Variants in PHF20 observed in about 807,000 individuals in gnomAD.
The protein encoded by PHF20 is PHD finger protein 20.
In PHF20, 23 loss-of-function variants were observed where a neutral mutation model predicts 113.5. The observed-to-expected ratio is 0.20, with a 90% CI of 0.15 to 0.29. PHF20 has a LOEUF of 0.29. Ranked by LOEUF, PHF20 falls within the 10% of genes least tolerant of loss-of-function variation. The pLI is 1.00. For missense variants in PHF20, 943 were observed against 1,219.6 expected, an observed-to-expected ratio of 0.77 and a Z score of 3.38; for synonymous variants, 434 against 457.3, an observed-to-expected ratio of 0.95 and a Z score of 0.65.
chr20:35,879,783 C>CAAA (rs58553871), intron 9 of PHF20, among the ~76,000 whole-genome samples: 2 of 108,236 alleles, frequency 1.8e-5, no homozygotes, highest in Non-Finnish European at 3.9e-5. Flanking sequence ...CCCATCTCTC[C>CAAA]AAAAAAAAAA....
chr20:35,790,208 C>CTG (rs917229016), intron 1 of PHF20, among the ~76,000 whole-genome samples: 5 of 145,974 alleles, frequency 3.4e-5, no homozygotes, highest in African/African-American at 1.3e-4. Flanking sequence ...TGCTAAATAA[C>CTG]TTTTTTTTTT....
At chr20:35,881,304 C>A (rs2054628371) in intron 9 of PHF20, among the ~76,000 whole-genome samples, 1 of 151,996 alleles carries the variant, frequency 6.6e-6, no homozygotes, top group Non-Finnish European at 1.5e-5. Context: ...GTGATCCACC[C>A]ACCTTGGCCT....
chr20:35,823,632 C>CAAAAAA (rs34177764), intron 2 of PHF20, among the ~76,000 whole-genome samples: 1 of 53,752 alleles, frequency 1.9e-5, no homozygotes, highest in African/African-American at 6.3e-5. Flanking sequence ...GACCCTGTCT[C>CAAAAAA]AAAAAAAAAA....
chr20:35,855,187 G>T, intron 4 of PHF20: 3 of 1,065,018 alleles, frequency 2.8e-6, no homozygotes, highest in Non-Finnish European at 2.5e-6. Flanking sequence ...ATGGTTGCTT[G>T]AGAGGGTTCT....
chr20:35,911,088 T>C (rs111876092), intron 10 of PHF20, among the ~76,000 whole-genome samples: 8,669 of 152,220 alleles, frequency 0.057, 393 homozygotes, highest in African/African-American at 0.13. Context: ...TCGCCCAGGC[T>C]GGAGTGCAGT....
rs1291574909 is a variant in PHF20 at position 35,885,500 on chromosome 20, T to C, written c.1282+13671T>C. On this transcript the variant is annotated intron_variant, in intron 9 of 17. Transcript: ENST00000374012. The stretch of plus-strand genomic sequence containing the variant: ...TTTTTTTTTTTTTTTTTTTTTTTTT[T>C]ACTTTTTAAAAATGAGATCTTCAGT... 1.7e-5 allele frequency among the ~76,000 whole-genome samples: 2 copies of C among 118,498 alleles called. 1 individual carries two copies. The highest frequency in any genetic ancestry group is 1.8e-4 in the Admixed American group (2 of 11,106). 77.7% of individuals were successfully genotyped at this position (118,498 alleles called of 152,430 possible).
chr20:35,780,222 T>A (rs886842328), intron 1 of PHF20, among the ~76,000 whole-genome samples: 1 of 125,552 alleles, frequency 8.0e-6, no homozygotes, highest in Non-Finnish European at 1.7e-5. Flanking sequence ...CCCAGATTTC[T>A]TTTTTTTTTT....
chr20:35,821,834 G>A (rs762215538), intron 2 of PHF20, among the ~76,000 whole-genome samples: 8 of 152,154 alleles, frequency 5.3e-5, no homozygotes, highest in Admixed American at 1.3e-4. Context: ...AATTTTTGAA[G>A]GTACAGCTGA....
chr20:35,832,439 C>T (rs1023665368), intron 2 of PHF20, among the ~76,000 whole-genome samples: 5 of 152,120 alleles, frequency 3.3e-5, no homozygotes, highest in Non-Finnish European at 5.9e-5. Flanking sequence ...CCTGTTGTCT[C>T]CTGGGGAAGC....
intron 2 of PHF20, among the ~76,000 whole-genome samples, chr20:35,819,648 C>A (rs2042134474): frequency 6.8e-6 from 1 of 147,980 alleles, no homozygotes; most frequent in Non-Finnish European, 1.5e-5. Context: ...CTTACACCAT[C>A]TGTGTGTGTG....
chr20:35,811,875 A>G (rs2146883939), intron 2 of PHF20, among the ~76,000 whole-genome samples: 1 of 151,936 alleles, frequency 6.6e-6, no homozygotes. Flanking sequence ...GGTTCCCACC[A>G]TTCTCCTGCC....
chr20:35,926,230 A>ATTTTT (rs1186510585), intron 13 of PHF20, among the ~76,000 whole-genome samples: 13 of 52,994 alleles, frequency 2.5e-4, no homozygotes, highest in Non-Finnish European at 2.8e-4. Context: ...ACAGACTTTC[A>ATTTTT]TTTTTTTTTT....
chr20:35,861,156 T>C (rs980536391), intron 5 of PHF20, among the ~76,000 whole-genome samples: 1 of 152,110 alleles, frequency 6.6e-6, no homozygotes, highest in African/African-American at 2.4e-5. Flanking sequence ...ATTGAGTTTT[T>C]TTTTTTTTTC....
At chr20:35,894,791 C>T (rs142066647) in intron 9 of PHF20, among the ~76,000 whole-genome samples, 1 of 152,320 alleles carries the variant, frequency 6.6e-6, no homozygotes, top group Non-Finnish European at 1.5e-5. Flanking sequence ...GCTGCAGAAC[C>T]CACACTTAGC....
intron 2 of PHF20, among the ~76,000 whole-genome samples, chr20:35,824,257 T>C (rs186524640): frequency 1.3e-5 from 2 of 152,190 alleles, no homozygotes; most frequent in East Asian, 3.9e-4. Flanking sequence ...TTTTTTTCTC[T>C]CCTTTTTTTT....
At chr20:35,780,415 CAG>C (rs902406630) in intron 1 of PHF20, among the ~76,000 whole-genome samples, 2 of 150,970 alleles carry the variant, frequency 1.3e-5, no homozygotes, top group African/African-American at 2.4e-5. Context: ...TTAGTAGAGA[CAG>C]GGGTTTCGCC....
At chr20:35,795,177 C>T (rs1159155176) in intron 1 of PHF20, among the ~76,000 whole-genome samples, 5 of 144,674 alleles carry the variant, frequency 3.5e-5, no homozygotes, top group Admixed American at 1.4e-4. Flanking sequence ...GGGGACAGAG[C>T]GAGACTCTGT....
At chr20:35,821,592 G>A (rs2042170228) in intron 2 of PHF20, among the ~76,000 whole-genome samples, 1 of 152,034 alleles carries the variant, frequency 6.6e-6, no homozygotes, top group Non-Finnish European at 1.5e-5. Flanking sequence ...CTGAGGGGCA[G>A]AGGTTGCAGT....
At chr20:35,889,195 T>C (rs1457250689) in intron 9 of PHF20, among the ~76,000 whole-genome samples, 4 of 151,678 alleles carry the variant, frequency 2.6e-5, no homozygotes, top group Non-Finnish European at 5.9e-5. Flanking sequence ...TTTGTATTTT[T>C]AGTAGAGACG....
Sources: gnomAD v4.1 joint callset for allele counts (sites outside exome capture counted in the v4.1 genomes callset) on GRCh38, gnomAD v4.1.1 for gene constraint, MANE v1.5 for transcripts, NCBI Gene and HGNC (gene_info 2026-07-23, HGNC 2026-07-21) for gene names.